The following BTBD9 variants were observed in gnomAD, a reference collection of about 807,000 sequenced individuals.
The protein encoded by BTBD9 is BTB domain containing 9, also known as BTB/POZ domain-containing protein 9.
BTBD9 carries 49 observed loss-of-function variants against 64.3 expected under a neutral mutation model. The ratio of observed to expected loss-of-function variants is 0.76; its 90% CI spans 0.61 to 0.97. BTBD9 has a LOEUF of 0.97. BTBD9 is among the 50% of genes least tolerant of loss of function. BTBD9 has a pLI of 0.00. For missense variants in BTBD9, 598 were observed against 762.1 expected (o/e 0.78, Z 2.53); for synonymous variants, 260 against 274.7 (o/e 0.95, Z 0.53).
chr6:38,637,839 C>T (rs183180900), intron 1 of BTBD9, among the ~76,000 whole-genome samples: 2 of 152,272 alleles, frequency 1.3e-5, no homozygotes, highest in East Asian at 1.9e-4. Flanking sequence ...AAGGATAACA[C>T]TTATTCTTGT....
chr6:38,611,015 T>C (rs1050529882), intron 1 of BTBD9, among the ~76,000 whole-genome samples: 1 of 152,114 alleles, frequency 6.6e-6, no homozygotes. Context: ...TAGATCTATA[T>C]GTTCTGACTT....
intron 6 of BTBD9, among the ~76,000 whole-genome samples, chr6:38,379,309 T>C (rs6920740): frequency 0.062 from 9,449 of 152,158 alleles, 950 homozygotes; most frequent in African/African-American, 0.21. Context: ...CAGGTAAGAA[T>C]GGGGTGAAAG....
At position 38,409,651 on chromosome 6, in the gene BTBD9, T is replaced by C. The variant is rs1462611172; in HGVS notation, c.1155-64558A>G. On this transcript the variant is annotated intron_variant, in intron 6 of 10. Transcript: ENST00000481247. ...CATCCTGGCTAACACAGTGAAACCCTGTCTCTACTAAAAATAAAAAAAATT... is the reference window on the plus strand; with the variant it reads ...CATCCTGGCTAACACAGTGAAACCCCGTCTCTACTAAAAATAAAAAAAATT... 2.0e-5 allele frequency among the ~76,000 whole-genome samples: 3 copies of C among 151,790 alleles called. No homozygotes were observed. The East Asian group carries it at 5.8e-4, about 30-fold the overall frequency.
chr6:38,190,133 C>CT (rs1761995403), intron 10 of BTBD9, among the ~76,000 whole-genome samples: 1 of 151,930 alleles, frequency 6.6e-6, no homozygotes, highest in Admixed American at 6.5e-5. Flanking sequence ...TTTTTGTTCT[C>CT]TGAGAATGAG....
At chr6:38,452,498 A>T (rs1056862358) in intron 6 of BTBD9, among the ~76,000 whole-genome samples, 13 of 152,150 alleles carry the variant, frequency 8.5e-5, no homozygotes, top group Non-Finnish European at 1.8e-4. Flanking sequence ...GGATGTTGGA[A>T]AAATCAATTA....
At chr6:38,563,776 CTTT>C (rs57927975) in intron 6 of BTBD9, among the ~76,000 whole-genome samples, 2 of 113,574 alleles carry the variant, frequency 1.8e-5, no homozygotes, top group Non-Finnish European at 3.5e-5. Flanking sequence ...GCCTATCTAA[CTTT>C]TTTTTTTTTT....
intron 6 of BTBD9, among the ~76,000 whole-genome samples, chr6:38,356,174 A>G (rs1764722387): frequency 1.3e-5 from 2 of 152,110 alleles, no homozygotes; most frequent in Admixed American, 1.3e-4. Context: ...TTTCATGACA[A>G]TGATGACGTG....
intron 6 of BTBD9, among the ~76,000 whole-genome samples, chr6:38,445,577 A>G (rs1769237398): frequency 1.3e-5 from 2 of 152,240 alleles, no homozygotes; most frequent in African/African-American, 4.8e-5. Flanking sequence ...TTCAAAGAAT[A>G]TGGGAGATTC....
intron 6 of BTBD9, among the ~76,000 whole-genome samples, chr6:38,527,785 AC>A (rs1253635928): frequency 6.6e-6 from 1 of 151,392 alleles, no homozygotes; most frequent in Non-Finnish European, 1.5e-5. Flanking sequence ...GAAAGGAAAG[AC>A]TCTATCACCA....
intron 6 of BTBD9, among the ~76,000 whole-genome samples, chr6:38,479,418 T>C (rs1478826563): frequency 1.3e-5 from 2 of 152,090 alleles, no homozygotes; most frequent in Non-Finnish European, 2.9e-5. Context: ...AGTAAAAACA[T>C]AAATTGGTTA....
chr6:38,547,202 T>C (rs1774592586), intron 6 of BTBD9, among the ~76,000 whole-genome samples: 1 of 152,158 alleles, frequency 6.6e-6, no homozygotes, highest in African/African-American at 2.4e-5. Context: ...GTCCTCTAAG[T>C]GCTCAAGTGA....
At chr6:38,587,989 C>A in intron 4 of BTBD9, 1 of 741,900 alleles carries the variant, frequency 1.3e-6, no homozygotes, top group South Asian at 1.4e-5. Context: ...TAGCAGCTCA[C>A]CCACCAGGAG....
chr6:38,190,423 T>C (rs2127483708), intron 10 of BTBD9, among the ~76,000 whole-genome samples: 1 of 144,244 alleles, frequency 6.9e-6, no homozygotes, highest in South Asian at 2.2e-4. Flanking sequence ...GAGCTGAGAT[T>C]GTGCCACTGC....
chr6:38,467,962 T>TATAA (rs538327698), intron 6 of BTBD9, among the ~76,000 whole-genome samples: 234 of 152,354 alleles, frequency 1.5e-3, no homozygotes, highest in African/African-American at 5.0e-3. Context: ...TACTGGCATA[T>TATAA]ATAAACTGCA....
intron 6 of BTBD9, among the ~76,000 whole-genome samples, chr6:38,488,511 G>A (rs761243067): frequency 2.6e-5 from 4 of 152,180 alleles, no homozygotes; most frequent in East Asian, 1.9e-4. Flanking sequence ...TTCAGGCTGC[G>A]ATGTGTCGGC....
chr6:38,588,097 T>C (rs1776624373), intron 4 of BTBD9: 4 of 734,616 alleles, frequency 5.4e-6, no homozygotes, highest in African/African-American at 1.7e-5. Flanking sequence ...CTAGCTATGG[T>C]GCACCGTGTC....
At chr6:38,189,169 G>A (rs773552845) in intron 10 of BTBD9, among the ~76,000 whole-genome samples, 2 of 152,168 alleles carry the variant, frequency 1.3e-5, no homozygotes, top group Non-Finnish European at 2.9e-5. Flanking sequence ...TCAGGGTGGT[G>A]CTGCACTCTC....
intron 6 of BTBD9, among the ~76,000 whole-genome samples, chr6:38,357,993 C>T (rs1417666774): frequency 6.6e-6 from 1 of 152,070 alleles, no homozygotes; most frequent in African/African-American, 2.4e-5. Flanking sequence ...AGATTCAAAT[C>T]ATTGAGTAAT....
chr6:38,510,497 C>T (rs1582551859), intron 6 of BTBD9, among the ~76,000 whole-genome samples: 1 of 151,324 alleles, frequency 6.6e-6, no homozygotes, highest in South Asian at 2.1e-4. Context: ...TGCACTTAGG[C>T]TACACAAAGT....
Sources: allele counts gnomAD v4.1 joint callset (sites outside exome capture counted in the v4.1 genomes callset), GRCh38; gene constraint gnomAD v4.1.1; transcripts MANE v1.5; gene names NCBI Gene and HGNC (gene_info 2026-07-23, HGNC 2026-07-21).